Variants in FAT3 observed in about 807,000 individuals in gnomAD.
FAT3 encodes the protein protocadherin Fat 3.
FAT3 carries 95 observed loss-of-function variants against 310.2 expected under a neutral mutation model. That is an observed-to-expected ratio of 0.31 (90% CI 0.26 to 0.36). The LOEUF (loss-of-function observed/expected upper bound fraction) is 0.36. Ranked by LOEUF, FAT3 falls within the 10% of genes least tolerant of loss-of-function variation. The pLI is 1.00. For synonymous variants in FAT3, 2,314 were observed against 2,192.9 expected, an observed-to-expected ratio of 1.06 and a Z score of -1.54; for missense variants, 5,408 against 5,715.6, an observed-to-expected ratio of 0.95 and a Z score of 1.74.
At chr11:92,400,123 T>G (rs1949978646) in intron 2 of FAT3, 1 of 152,136 alleles carries the variant, frequency 6.6e-6, no homozygotes, top group Non-Finnish European at 1.5e-5. Context: ...GTGGGTGACT[T>G]TTTGCCTGTG....
chr11:92,593,657 A>C (rs1939554719), intron 3 of FAT3, among the ~76,000 whole-genome samples: 1 of 152,030 alleles, frequency 6.6e-6, no homozygotes, highest in South Asian at 2.1e-4. Flanking sequence ...AACTAACATA[A>C]ATCTAAGAGT....
In FAT3 at chr11:92,784,073, G is replaced by A. The variant is rs533155665; in HGVS notation, c.4336-5870G>A. 3.3e-5 allele frequency among the ~76,000 whole-genome samples: 5 copies of A among 152,324 alleles called. No homozygotes were observed. The East Asian group carries it at 5.8e-4, about 18-fold the overall frequency. ...TAACTTAATGCACACGGAAATGATA[G>A]GATGGGGTGAATACAGAATTAGCTC... On this transcript the variant is annotated intron_variant, in intron 7 of 27. Coordinates refer to ENST00000525166, the MANE Select transcript of FAT3 (RefSeq NM_001367949.2).
rs1054938879 is a variant in FAT3 at position 92,516,675 on chromosome 11, A to G, written c.3293-7959A>G. Among the ~76,000 whole-genome samples, 42 of 152,290 alleles carry G rather than the reference A, an allele frequency of 2.8e-4. No homozygotes were observed. In the East Asian group the frequency reaches 5.0e-3, roughly 18 times the overall value. On this transcript the variant is annotated intron_variant, in intron 2 of 27. Coordinates refer to ENST00000525166, the MANE Select transcript of FAT3 (RefSeq NM_001367949.2). ...AAAAGAAAGAAGTAAAGGATATTCA[A>G]ATAGGAAGAGAGGAAGTCAAATTGT...
At chr11:92,428,625 T>A (rs1950692892) in intron 2 of FAT3, among the ~76,000 whole-genome samples, 1 of 152,192 alleles carries the variant, frequency 6.6e-6, no homozygotes, top group African/African-American at 2.4e-5. Context: ...TATTTCTACC[T>A]CAATTTCATT....
chr11:92,495,155 C>A (rs1360010334), intron 2 of FAT3, among the ~76,000 whole-genome samples: 1 of 151,866 alleles, frequency 6.6e-6, no homozygotes, highest in Non-Finnish European at 1.5e-5. Context: ...GCAAATTATA[C>A]ATTTCAAAGA....
At chr11:92,680,793 T>C (rs1275696463) in intron 3 of FAT3, among the ~76,000 whole-genome samples, 1 of 152,186 alleles carries the variant, frequency 6.6e-6, no homozygotes, top group African/African-American at 2.4e-5. Flanking sequence ...GTAAAAAAGC[T>C]TAAGCTCACA....
At position 92,799,646 on chromosome 11, in the gene FAT3, C is replaced by T. The variant is rs1787064853; in HGVS notation, c.6633C>T (p.Thr2211=). Residue 2211 remains threonine, a synonymous_variant, in exon 10 of 28, where the codon ACC becomes ACT. Coordinates refer to ENST00000525166, the MANE Select transcript of FAT3 (RefSeq NM_001367949.2). The stretch of plus-strand genomic sequence containing the variant: ...CACCCATCCTAAGCATCAATGCCAC[C>T]AGTCCAGAAGGCCAAGGCATCATAT... The part of the protein sequence containing the change: ...MNTPILSINA[T]SPEGQGIIYI... 6.2e-7 allele frequency: 1 copy of T among 1,613,750 alleles called. No homozygotes were observed. The highest frequency in any genetic ancestry group is 1.1e-5 in the South Asian group (1 of 91,048).
chr11:92,594,887 T>C (rs1939622576), intron 3 of FAT3, among the ~76,000 whole-genome samples: 1 of 152,032 alleles, frequency 6.6e-6, no homozygotes, highest in Non-Finnish European at 1.5e-5. Flanking sequence ...GTAGATTGCT[T>C]ACGGGAGAAA....
chr11:92,705,272 G>A (rs990035589), intron 4 of FAT3, among the ~76,000 whole-genome samples: 1 of 152,140 alleles, frequency 6.6e-6, no homozygotes, highest in African/African-American at 2.4e-5. Flanking sequence ...GACATTCCAA[G>A]TCTAGCTAAA....
intron 4 of FAT3, among the ~76,000 whole-genome samples, chr11:92,749,851 C>T (rs1945782549): frequency 6.6e-6 from 1 of 152,208 alleles, no homozygotes; most frequent in Non-Finnish European, 1.5e-5. Context: ...GTCCAGTGAC[C>T]TCTCTAGGCA....
intron 3 of FAT3, among the ~76,000 whole-genome samples, chr11:92,545,270 C>T (rs898764537): frequency 2.6e-5 from 4 of 152,178 alleles, no homozygotes; most frequent in Non-Finnish European, 5.9e-5. Flanking sequence ...CTCATTTCTT[C>T]ATGTGCCCCT....
intron 19 of FAT3, among the ~76,000 whole-genome samples, chr11:92,848,508 T>A (rs1467690518): frequency 6.6e-6 from 1 of 152,202 alleles, no homozygotes; most frequent in Non-Finnish European, 1.5e-5. Flanking sequence ...TTGTTGATTG[T>A]CCATTTTTGA....
At chr11:92,837,299 C>G (rs1948431396) in intron 16 of FAT3, among the ~76,000 whole-genome samples, 1 of 152,214 alleles carries the variant, frequency 6.6e-6, no homozygotes, top group African/African-American at 2.4e-5. Context: ...GCAGTGACAA[C>G]TATTGCACTG....
intron 3 of FAT3, among the ~76,000 whole-genome samples, chr11:92,589,714 A>T (rs1273693592): frequency 6.6e-6 from 1 of 151,954 alleles, no homozygotes; most frequent in Non-Finnish European, 1.5e-5. Context: ...ACACAACATA[A>T]ATAGCATTCT....
chr11:92,753,068 C>T (rs1945871459), intron 4 of FAT3, among the ~76,000 whole-genome samples: 1 of 152,162 alleles, frequency 6.6e-6, no homozygotes, highest in African/African-American at 2.4e-5. Flanking sequence ...TGACCCTCCT[C>T]CCATCTAGAG....
chr11:92,433,670 T>C (rs906208323), intron 2 of FAT3, among the ~76,000 whole-genome samples: 1 of 152,094 alleles, frequency 6.6e-6, no homozygotes, highest in Non-Finnish European at 1.5e-5. Flanking sequence ...CCAGAGCTGT[T>C]CTTATTCGGC....
intron 4 of FAT3, among the ~76,000 whole-genome samples, chr11:92,731,518 C>G (rs1311149539): frequency 1.3e-5 from 2 of 152,164 alleles, no homozygotes. Context: ...ACAGACTTTA[C>G]AAAACATGCA....
At chr11:92,821,883 G>T (rs1448043634) in intron 13 of FAT3, among the ~76,000 whole-genome samples, 1 of 152,162 alleles carries the variant, frequency 6.6e-6, no homozygotes, top group Non-Finnish European at 1.5e-5. Flanking sequence ...CAGATGCAGG[G>T]CCATGACACT....
At chr11:92,657,922 C>T (rs999179511) in intron 3 of FAT3, among the ~76,000 whole-genome samples, 1 of 152,002 alleles carries the variant, frequency 6.6e-6, no homozygotes, top group African/African-American at 2.4e-5. Flanking sequence ...TATAGACCAG[C>T]GCTGTTCAAT....
Sources: allele counts gnomAD v4.1 joint callset (sites outside exome capture counted in the v4.1 genomes callset), GRCh38; gene constraint gnomAD v4.1.1; transcripts MANE v1.5; gene names NCBI Gene and HGNC (gene_info 2026-07-23, HGNC 2026-07-21).